The following VTI1A variants were observed in gnomAD, a reference collection of about 807,000 sequenced individuals.
VTI1A encodes the protein vesicle transport through interaction with t-SNAREs 1A.
In VTI1A, 22 loss-of-function variants were observed where a neutral mutation model predicts 34.9. The observed-to-expected ratio is 0.63, with a 90% CI of 0.45 to 0.90. The LOEUF is 0.90. Among genes scored for constraint, VTI1A ranks in the 40% least tolerant of loss-of-function variants. The probability of loss-of-function intolerance (pLI) is 0.00; values close to 1 mark genes in which losing one functional copy is unlikely to be tolerated. For missense variants in VTI1A, 268 were observed against 275.6 expected (o/e 0.97, Z 0.20); for synonymous variants, 87 against 97.3 (o/e 0.89, Z 0.62).
intron 4 of VTI1A, among the ~76,000 whole-genome samples, chr10:112,535,743 G>C (rs1850595712): frequency 6.6e-6 from 1 of 152,196 alleles, no homozygotes; most frequent in African/African-American, 2.4e-5. Flanking sequence ...GTTTGGGATG[G>C]AGTGTGGGGG....
chr10:112,559,225 C>G (rs1851636557), intron 5 of VTI1A, among the ~76,000 whole-genome samples: 1 of 152,162 alleles, frequency 6.6e-6, no homozygotes, highest in African/African-American at 2.4e-5. Context: ...ACATATAACA[C>G]ATGTTGGTTA....
chr10:112,773,352 T>C (rs899852033), intron 7 of VTI1A, among the ~76,000 whole-genome samples: 3 of 152,192 alleles, frequency 2.0e-5, no homozygotes, highest in African/African-American at 4.8e-5. Flanking sequence ...TTCACACTTA[T>C]CACACTCCTC....
the VTI1A span, among the ~76,000 whole-genome samples, chr10:112,839,804 G>T: frequency 2.0e-5 from 3 of 152,272 alleles, no homozygotes; most frequent in South Asian, 4.1e-4. Context: ...AGGGAGGAGC[G>T]CCTACCATCC....
At chr10:112,853,618 C>T in the VTI1A span, among the ~76,000 whole-genome samples, 4 of 152,172 alleles carry the variant, frequency 2.6e-5, no homozygotes, top group African/African-American at 9.7e-5. Flanking sequence ...CCTGAGACCT[C>T]GTGTTGTTCT....
chr10:112,825,803 G>A, the VTI1A span: 3 of 152,234 alleles, frequency 2.0e-5, no homozygotes, highest in Non-Finnish European at 4.4e-5. Flanking sequence ...CTTCCGGCCA[G>A]GTCAAGGTAT....
chr10:112,689,897 T>G (rs1848556160), intron 7 of VTI1A, among the ~76,000 whole-genome samples: 1 of 152,212 alleles, frequency 6.6e-6, no homozygotes, highest in South Asian at 2.1e-4. Flanking sequence ...CTCCAGAAGT[T>G]TCCTCCTACC....
chr10:112,475,728 A>G (rs1848255078), intron 3 of VTI1A, among the ~76,000 whole-genome samples: 1 of 152,234 alleles, frequency 6.6e-6, no homozygotes, highest in African/African-American at 2.4e-5. Flanking sequence ...AATAAAGAGC[A>G]AAGATAAAAC....
the VTI1A span, chr10:112,824,199 G>A: frequency 6.6e-6 from 1 of 152,236 alleles, no homozygotes; most frequent in Non-Finnish European, 1.5e-5. Flanking sequence ...AGAGCCAGGG[G>A]GCCTCCTCAG....
chr10:112,454,698 T>C (rs1022101928), intron 1 of VTI1A, among the ~76,000 whole-genome samples: 4 of 137,272 alleles, frequency 2.9e-5, no homozygotes, highest in South Asian at 2.5e-4. Flanking sequence ...TCAGCACTTA[T>C]CAAGCTTATA....
At chr10:112,566,152 T>A (rs1306271378) in intron 5 of VTI1A, among the ~76,000 whole-genome samples, 2 of 152,050 alleles carry the variant, frequency 1.3e-5, no homozygotes, top group Non-Finnish European at 2.9e-5. Flanking sequence ...AATTAGTATG[T>A]TTTTTTCTAA....
intron 3 of VTI1A, among the ~76,000 whole-genome samples, chr10:112,499,109 G>C (rs1057376883): frequency 6.6e-6 from 1 of 152,112 alleles, no homozygotes; most frequent in Non-Finnish European, 1.5e-5. Context: ...GGGAGATATG[G>C]CATTTAATAA....
At chr10:112,559,810 A>C (rs1373281787) in intron 5 of VTI1A, among the ~76,000 whole-genome samples, 1 of 152,200 alleles carries the variant, frequency 6.6e-6, no homozygotes, top group African/African-American at 2.4e-5. Context: ...CATGTACCCC[A>C]GACATGGAGA....
intron 4 of VTI1A, chr10:112,533,550 G>T (rs1299118495): frequency 2.0e-6 from 2 of 1,011,714 alleles, no homozygotes; most frequent in Non-Finnish European, 2.4e-6. Context: ...TACGTGAAGA[G>T]GTGAGTACTT....
intron 7 of VTI1A, among the ~76,000 whole-genome samples, chr10:112,759,418 G>A (rs762979015): frequency 3.9e-5 from 6 of 152,154 alleles, no homozygotes; most frequent in Non-Finnish European, 8.8e-5. Flanking sequence ...GAAGTATCAT[G>A]TTTTGAGCTG....
intron 3 of VTI1A, among the ~76,000 whole-genome samples, chr10:112,525,195 T>C (rs1305964750): frequency 6.6e-6 from 1 of 152,212 alleles, no homozygotes; most frequent in Non-Finnish European, 1.5e-5. Flanking sequence ...ATATCTTTAC[T>C]GACTTCATGC....
At chr10:112,775,985 C>CT (rs1389049704) in intron 7 of VTI1A, among the ~76,000 whole-genome samples, 3 of 152,170 alleles carry the variant, frequency 2.0e-5, no homozygotes, top group East Asian at 1.9e-4. Context: ...TCTTCGCACT[C>CT]TAAGTGTTTC....
intron 5 of VTI1A, among the ~76,000 whole-genome samples, chr10:112,628,380 G>T (rs945840241): frequency 6.6e-5 from 10 of 152,170 alleles, no homozygotes; most frequent in African/African-American, 2.2e-4. Flanking sequence ...AATTCTATCA[G>T]TGAAAAACAG....
the VTI1A span, among the ~76,000 whole-genome samples, chr10:112,832,703 C>A: frequency 6.6e-6 from 1 of 152,244 alleles, no homozygotes; most frequent in African/African-American, 2.4e-5. Flanking sequence ...CAGAGAATCT[C>A]ACTCATTATA....
At chr10:112,841,938 T>C in the VTI1A span, among the ~76,000 whole-genome samples, 4 of 151,330 alleles carry the variant, frequency 2.6e-5, no homozygotes, top group Non-Finnish European at 5.9e-5. Context: ...CCAAGGCCGG[T>C]GGAGGCAAGA....
Sources: gnomAD v4.1 joint callset for allele counts (sites outside exome capture counted in the v4.1 genomes callset) on GRCh38, gnomAD v4.1.1 for gene constraint, MANE v1.5 for transcripts, NCBI Gene and HGNC (gene_info 2026-07-23, HGNC 2026-07-21) for gene names.